The following MEGF11 variants were observed in gnomAD, a reference collection of about 807,000 sequenced individuals.
The protein encoded by MEGF11 is multiple epidermal growth factor-like domains protein 11.
MEGF11 carries 126 observed loss-of-function variants against 146.6 expected under a neutral mutation model. The observed-to-expected ratio is 0.86, with a 90% confidence interval of 0.74 to 1.00. MEGF11 has a LOEUF of 1.00. Among genes scored for constraint, MEGF11 ranks in the 50% least tolerant of loss-of-function variants. The probability of loss-of-function intolerance (pLI) is 0.00; values close to 1 mark genes in which losing one functional copy is unlikely to be tolerated. For synonymous variants in MEGF11, 532 were observed against 583.4 expected (o/e 0.91, Z 1.27); for missense variants, 1,509 against 1,521.2 (o/e 0.99, Z 0.13).
chr15:66,222,990 T>G (rs1470857646), intron 1 of MEGF11, among the ~76,000 whole-genome samples: 1 of 152,182 alleles, frequency 6.6e-6, no homozygotes, highest in African/African-American at 2.4e-5. Flanking sequence ...CTCCTAGGCA[T>G]GTACCCAACA....
intron 5 of MEGF11, among the ~76,000 whole-genome samples, chr15:66,054,284 C>T (rs1372428854): frequency 3.3e-5 from 5 of 152,190 alleles, no homozygotes; most frequent in South Asian, 2.1e-4. Flanking sequence ...AACACAAAAG[C>T]GATCAGGTCC....
At chr15:65,951,718 A>G (rs1303525482) in intron 10 of MEGF11, among the ~76,000 whole-genome samples, 1 of 150,588 alleles carries the variant, frequency 6.6e-6, no homozygotes, top group African/African-American at 2.4e-5. Context: ...AAACAAAAAA[A>G]CCCCAACAAA....
intron 5 of MEGF11, among the ~76,000 whole-genome samples, chr15:66,016,489 T>TG (rs1342653831): frequency 6.6e-6 from 1 of 151,408 alleles, no homozygotes; most frequent in Non-Finnish European, 1.5e-5. Context: ...GTTTTTTTTT[T>TG]TTTTTTTTTT....
At chr15:65,997,878 G>A (rs1256598443) in intron 5 of MEGF11, among the ~76,000 whole-genome samples, 1 of 152,200 alleles carries the variant, frequency 6.6e-6, no homozygotes, top group African/African-American at 2.4e-5. Flanking sequence ...AGGTCGCTCT[G>A]AGAAGGTGAC....
At chr15:65,955,652 G>A (rs1275394667) in intron 10 of MEGF11, among the ~76,000 whole-genome samples, 9 of 141,196 alleles carry the variant, frequency 6.4e-5, no homozygotes, top group South Asian at 2.3e-4. Flanking sequence ...GCTGAGGCAC[G>A]AGAATTGCTT....
chr15:66,202,145 G>GAT (rs2140095206), intron 1 of MEGF11, among the ~76,000 whole-genome samples: 1 of 135,956 alleles, frequency 7.4e-6, no homozygotes, highest in Non-Finnish European at 1.6e-5. Context: ...ACACACAAGT[G>GAT]ATACACACAC....
chr15:66,210,750 T>G (rs1473561223), intron 1 of MEGF11, among the ~76,000 whole-genome samples: 2 of 152,168 alleles, frequency 1.3e-5, no homozygotes, highest in African/African-American at 4.8e-5. Context: ...TCCCTGGAAT[T>G]CTTACCGCAG....
At chr15:65,992,452 G>GTGGGGGGC (rs1567193595) in intron 5 of MEGF11, among the ~76,000 whole-genome samples, 4 of 23,438 alleles carry the variant, frequency 1.7e-4, no homozygotes, top group African/African-American at 3.0e-4. Flanking sequence ...TGTGTGTGTG[G>GTGGGGGGC]GGGGGGGGGT....
At chr15:66,160,509 G>A (rs7163737) in intron 1 of MEGF11, among the ~76,000 whole-genome samples, 58,547 of 152,008 alleles carry the variant, frequency 0.39, 13,379 homozygotes, top group South Asian at 0.55. Context: ...CTAGTTGGTG[G>A]GTTTTACTTT....
intron 10 of MEGF11, among the ~76,000 whole-genome samples, chr15:65,939,196 C>G (rs2079892747): frequency 6.6e-6 from 1 of 152,166 alleles, no homozygotes; most frequent in African/African-American, 2.4e-5. Flanking sequence ...CCTGTGGGAG[C>G]TCAGCAGAGA....
intron 10 of MEGF11, among the ~76,000 whole-genome samples, chr15:65,951,766 A>C (rs1368888580): frequency 6.6e-6 from 1 of 152,206 alleles, no homozygotes; most frequent in Non-Finnish European, 1.5e-5. Context: ...TTTAAGCCTA[A>C]GATGAGAGGA....
intron 1 of MEGF11, among the ~76,000 whole-genome samples, chr15:66,237,679 T>C (rs982655825): frequency 6.6e-6 from 1 of 152,148 alleles, no homozygotes; most frequent in Non-Finnish European, 1.5e-5. Flanking sequence ...TTGAAGACAC[T>C]GGCACGTGGC....
intron 1 of MEGF11, among the ~76,000 whole-genome samples, chr15:66,183,357 A>G (rs1360613276): frequency 1.3e-5 from 2 of 152,054 alleles, no homozygotes; most frequent in East Asian, 3.9e-4. Flanking sequence ...AAAATTAGCC[A>G]AGAATGGTGG....
intron 5 of MEGF11, among the ~76,000 whole-genome samples, chr15:66,005,900 C>G (rs949593561): frequency 9.9e-5 from 15 of 152,190 alleles, no homozygotes; most frequent in African/African-American, 2.7e-4. Flanking sequence ...CACTGACTAG[C>G]TGTGGAAAGT....
intron 1 of MEGF11, among the ~76,000 whole-genome samples, chr15:66,250,501 A>G (rs971315789): frequency 6.6e-5 from 10 of 152,238 alleles, no homozygotes; most frequent in Admixed American, 1.3e-4. Context: ...CTGTATCCCA[A>G]GGGCCTAGTC....
chr15:65,937,237 T>C (rs2079821546), intron 10 of MEGF11, among the ~76,000 whole-genome samples: 1 of 152,154 alleles, frequency 6.6e-6, no homozygotes, highest in African/African-American at 2.4e-5. Context: ...TTCATGTCAG[T>C]TGATCTTGTC....
At chr15:65,914,994 T>C (rs917456990) in intron 19 of MEGF11, among the ~76,000 whole-genome samples, 2 of 152,204 alleles carry the variant, frequency 1.3e-5, no homozygotes, top group Non-Finnish European at 2.9e-5. Context: ...TGAGGTGTCA[T>C]CCGACTGTAG....
chr15:65,997,287 A>T (rs1298070599), intron 5 of MEGF11, among the ~76,000 whole-genome samples: 1 of 152,200 alleles, frequency 6.6e-6, no homozygotes, highest in East Asian at 1.9e-4. Context: ...GAAGCCAAGG[A>T]ACGACACTTC....
chr15:66,140,803 T>G (rs1251485599), intron 1 of MEGF11, among the ~76,000 whole-genome samples: 1 of 152,144 alleles, frequency 6.6e-6, no homozygotes, highest in East Asian at 1.9e-4. Context: ...TCTGTGGGCC[T>G]GGGTGTGCAC....
Sources: gnomAD v4.1 joint callset for allele counts (sites outside exome capture counted in the v4.1 genomes callset) on GRCh38, gnomAD v4.1.1 for gene constraint, MANE v1.5 for transcripts, NCBI Gene and HGNC (gene_info 2026-07-23, HGNC 2026-07-21) for gene names.